RNASEL: variants seen among roughly 807,000 people sequenced by gnomAD.
RNASEL encodes the protein ribonuclease L.
A neutral mutation model predicts 50.9 loss-of-function variants in RNASEL; 36 were observed. The ratio of observed to expected loss-of-function variants is 0.71; its 90% CI spans 0.54 to 0.93. The LOEUF is 0.93. RNASEL is among the 40% of genes least tolerant of loss of function. RNASEL has a pLI of 0.00. For synonymous variants in RNASEL, 335 were observed against 335.6 expected (o/e 1.00, Z 0.02); for missense variants, 860 against 894.5 (o/e 0.96, Z 0.49).
Position 182,575,413 on chromosome 1 carries a change from C to T in RNASEL, c.2205G>A (p.Gly735=), listed in dbSNP as rs143546054. The T allele has an allele frequency of 6.2e-7, 1 of 1,614,116 alleles. No individual in the cohort carries two copies. The highest frequency in any genetic ancestry group is 1.3e-5 in the African/African-American group (1 of 75,034). Residue 735 remains glycine, a synonymous_variant, in exon 7 of 7, where the codon GGG becomes GGA. Coordinates refer to ENST00000367559, the MANE Select transcript of RNASEL (RefSeq NM_021133.4). ...PQCDGAGGAS[G]LASPGC ...TCCATCAGCACCCAGGGCTGGCCAA[C>T]CCACTGGCCCCACCAGCTCCATCAC... is the stretch of plus-strand genomic sequence containing the variant.
In RNASEL at chr1:182,582,118, A is replaced by G; in HGVS notation, c.1707T>C (p.Pro569=). ...TCAGACAGTCCCTCACATGTTCCCC[A>G]GGATGGAAGAGACGATGAATGAGGT... ...TKDLIHRLFH[P]GEHVRDCLSD... The change falls in exon 4 of 7, where the codon CCT becomes CCC. Residue 569 remains proline (P), a synonymous_variant. Coordinates refer to ENST00000367559, the MANE Select transcript of RNASEL (RefSeq NM_021133.4). The G allele has an allele frequency of 6.2e-7, 1 of 1,614,230 alleles. No homozygotes were observed.
At chr1:182,575,775 C>T (rs547774481) in intron 6 of RNASEL, among the ~76,000 whole-genome samples, 197 bp from the exon 7 acceptor site, 3 of 152,300 alleles carry the variant, frequency 2.0e-5, no homozygotes, top group African/African-American at 7.2e-5. Context: ...TCTTTCTGAA[C>T]TTTAGATTGT....
chr1:182,574,788 G>C lies in RNASEL; in HGVS notation c.*604C>G. 1 of 232,682 alleles carries C rather than the reference G, an allele frequency of 4.3e-6. No homozygotes were observed. The highest frequency in any genetic ancestry group is 8.5e-6 in the Non-Finnish European group (1 of 118,336). The allele number at this position is 232,682 out of a possible 1,614,324, so 14.4% of individuals were successfully genotyped here. ...ACCAATGCAGTTGGTTCTGGAAGGA[G>C]TGGAATTCATGCATCCAGTGCCCAG... On this transcript the variant is annotated 3_prime_UTR_variant, in exon 7 of 7. Transcript: ENST00000367559.
Position 182,575,199 on chromosome 1 carries a change from T to A in RNASEL, c.*193A>T, listed in dbSNP as rs1661356106. 3.3e-6 allele frequency: 2 copies of A among 608,124 alleles called. No individual in the cohort carries two copies. The highest frequency in any genetic ancestry group is 1.8e-5 in the African/African-American group (1 of 54,134). 37.7% of individuals were successfully genotyped at this position (608,124 alleles called of 1,614,324 possible). A position where few individuals can be genotyped will look rare whatever the true frequency, so the allele number is the denominator to read the frequency against. The stretch of plus-strand genomic sequence containing the variant: ...CCTCCCAGTTAGTGGGTAAAGCTTA[T>A]GGACTAGTGTAGTCTGGGTATATAT... On this transcript the variant is annotated 3_prime_UTR_variant, in exon 7 of 7. Coordinates refer to ENST00000367559, the MANE Select transcript of RNASEL (RefSeq NM_021133.4).
At chr1:182,578,777 T>A (rs1175080426) in intron 5 of RNASEL, 1 of 152,190 alleles carries the variant, frequency 6.6e-6, no homozygotes, top group Non-Finnish European at 1.5e-5. Context: ...ATCAAAAAGA[T>A]ACCGGCACTC....
At chr1:182,582,394 G>A in intron 3 of RNASEL, 136 bp from the exon 4 acceptor site, 6 of 996,378 alleles carry the variant, frequency 6.0e-6, no homozygotes, top group East Asian at 5.0e-5. Flanking sequence ...AGGGAGGGAA[G>A]GCACAGATGT....
At position 182,576,248 on chromosome 1, in the gene RNASEL, ATACT is replaced by A. The variant is rs766457780; in HGVS notation, c.2039+4_2039+7del. 9.9e-6 allele frequency: 16 copies of A among 1,609,732 alleles called. No individual in the cohort carries two copies. The highest frequency in any genetic ancestry group is 1.2e-5 in the Non-Finnish European group (14 of 1,177,532). On this transcript the variant is annotated splice_donor_5th_base_variant and intron_variant, in intron 6 of 6. Transcript: ENST00000367559. ...CATATAATTTGTAGGAATGAAAACA[ATACT>A]TACTTTTTATGCTTTTCTTCATCAA...
rs980287340 is a variant in RNASEL at position 182,586,495 on chromosome 1, G to T, written c.312C>A (p.Ser104Arg). The change falls in exon 2 of 7, where the codon AGC becomes AGA. Residue 104 changes from serine to arginine, a missense_variant. Ser to Arg is a moderately radical substitution (Grantham distance 110, BLOSUM62 -1). Coordinates refer to ENST00000367559, the MANE Select transcript of RNASEL (RefSeq NM_021133.4). ...TPFILAAIAGSVKLLKLFLSK... is the reference protein window; with the variant it reads ...TPFILAAIAGRVKLLKLFLSK... ...AAAGGAAAAGTTTCAGCAGCTTCAC[G>T]CTCCCCGCAATCGCTGCGAGGATAA... 7 of 1,612,162 alleles carry T rather than the reference G, an allele frequency of 4.3e-6. No individual in the cohort carries two copies. The highest frequency in any genetic ancestry group is 5.9e-6 in the Non-Finnish European group (7 of 1,178,526).
chr1:182,583,314 T>A (rs1223872316), intron 3 of RNASEL, among the ~76,000 whole-genome samples: 2 of 152,172 alleles, frequency 1.3e-5, no homozygotes, highest in African/African-American at 4.8e-5. Context: ...CCCATTGTCA[T>A]CTTGAAAGCT....
chr1:182,579,113 T>C (rs1377966340), intron 5 of RNASEL: 7 of 365,564 alleles, frequency 1.9e-5, no homozygotes, highest in Non-Finnish European at 2.7e-5. Flanking sequence ...GAGAAATTAC[T>C]TAATGGGTAC....
chr1:182,586,559 G>A lies in RNASEL; in HGVS notation c.248C>T (p.Ala83Val), dbSNP rs2102372195. 6.2e-7 allele frequency: 1 copy of A among 1,605,992 alleles called. No individual in the cohort carries two copies. Among genetic ancestry groups the A allele is most frequent in the Non-Finnish European group, 8.5e-7 (1 of 1,174,232 alleles). Reference sequence around the variant, plus strand: ...ATTCTTCTTCCTCAGAACAGGGTCAGCACCATGACGAAGCAGAAGTTCCAC... The same window carrying A: ...ATTCTTCTTCCTCAGAACAGGGTCAACACCATGACGAAGCAGAAGTTCCAC... Reference protein sequence around the residue: ...DIVELLLRHGADPVLRKKNGA... With the variant: ...DIVELLLRHGVDPVLRKKNGA... Residue 83 changes from alanine to valine, a missense_variant, in exon 2 of 7, where the codon GCT becomes GTT. Ala to Val is a moderately conservative substitution (Grantham distance 64, BLOSUM62 0). Transcript: ENST00000367559.
intron 5 of RNASEL, among the ~76,000 whole-genome samples, chr1:182,580,461 TA>T (rs1456667310): frequency 6.6e-6 from 1 of 152,244 alleles, no homozygotes; most frequent in East Asian, 1.9e-4. Flanking sequence ...GGTTCTCCCA[TA>T]GTGCTTTGCA....
rs747961438 is a variant in RNASEL, at chr1:182,574,852, TGA to T, written c.*538_*539del. On this transcript the variant is annotated 3_prime_UTR_variant, in exon 7 of 7. Transcript: ENST00000367559. ...GCTCAATAAATACTGAATGAATGAA[TGA>T]GATTCCTGGAACCCCTATATATGTT... The T allele has an allele frequency of 5.9e-5, 14 of 236,530 alleles. No individual in the cohort carries two copies. The highest frequency in any genetic ancestry group is 8.3e-5 in the Non-Finnish European group (10 of 120,694). The allele number at this position is 236,530 out of a possible 1,614,324, so 14.7% of individuals were successfully genotyped here.
At chr1:182,587,615 C>CAAA (rs34085847) in intron 1 of RNASEL, among the ~76,000 whole-genome samples, 3 of 94,064 alleles carry the variant, frequency 3.2e-5, no homozygotes, top group South Asian at 3.4e-4. Flanking sequence ...AGGTGGCTTC[C>CAAA]AAAAAAAAAA....
Position 182,586,320 on chromosome 1 carries a change from G to T in RNASEL, c.487C>A (p.Arg163=). Residue 163 remains arginine (R), a synonymous_variant, in exon 2 of 7, where the codon CGG becomes AGG. Coordinates refer to ENST00000367559, the MANE Select transcript of RNASEL (RefSeq NM_021133.4). The stretch of plus-strand genomic sequence containing the variant: ...GCTGTGGCCCCTCCTTTCCTCAGCC[G>T]CTCTTGATCCTCCTTTGTCTTTCGC... ...LRRKTKEDQE[R]LRKGGATALM... 6.2e-7 allele frequency: 1 copy of T among 1,614,070 alleles called. No homozygotes were observed. The highest frequency in any genetic ancestry group is 8.5e-7 in the Non-Finnish European group (1 of 1,180,014).
At chr1:182,581,908 G>T in intron 4 of RNASEL, 145 bp downstream of exon 4, 1 of 766,866 alleles carries the variant, frequency 1.3e-6, no homozygotes, top group Non-Finnish European at 2.3e-6. Context: ...GAGAGGTTAA[G>T]TCATCTCTCC....
At chr1:182,580,119 C>A (rs1243085772) in intron 5 of RNASEL, 2 of 355,382 alleles carry the variant, frequency 5.6e-6, no homozygotes, top group African/African-American at 4.3e-5. Flanking sequence ...ACTACGTAAT[C>A]ATTAGCTATC....
chr1:182,579,913 T>C (rs1661457977), intron 5 of RNASEL: 1 of 463,562 alleles, frequency 2.2e-6, no homozygotes, highest in African/African-American at 2.0e-5. Context: ...GCACATGGCC[T>C]CTGCAGCCAT....
At position 182,586,375 on chromosome 1, in the gene RNASEL, A is replaced by C. The variant is rs1661597014; in HGVS notation, c.432T>G (p.Leu144=). 3 of 1,614,118 alleles carry C rather than the reference A, an allele frequency of 1.9e-6. No individual in the cohort carries two copies. The Admixed American group carries it at 5.0e-5, about 27-fold the overall frequency. Residue 144 remains leucine, a synonymous_variant, in exon 2 of 7, where the codon CTT becomes CTG. Coordinates refer to ENST00000367559, the MANE Select transcript of RNASEL (RefSeq NM_021133.4). ...VYGKVKALKF[L]YKRGANVNLR... ...AATTCACATTTGCTCCTCTCTTATA[A>C]AGGAATTTTAGGGCTTTGACCTTAC...
Sources: gnomAD v4.1 joint callset for allele counts (sites outside exome capture counted in the v4.1 genomes callset) on GRCh38, gnomAD v4.1.1 for gene constraint, MANE v1.5 for transcripts, NCBI Gene and HGNC (gene_info 2026-07-23, HGNC 2026-07-21) for gene names.